Variants in SMOC1 observed in about 807,000 individuals in gnomAD.
SMOC1 encodes SPARC related modular calcium binding 1.
Under a neutral mutation model 56.3 loss-of-function variants are expected in SMOC1, and 22 were observed. That is an observed-to-expected ratio of 0.39 (90% CI 0.28 to 0.56). The LOEUF (loss-of-function observed/expected upper bound fraction) is 0.56. SMOC1 is among the 20% of genes least tolerant of loss of function. The pLI, the probability that SMOC1 is intolerant of heterozygous loss-of-function variation, is 0.61. For missense variants in SMOC1, 509 were observed against 565.4 expected (o/e 0.90, Z 1.01); for synonymous variants, 193 against 215.0 (o/e 0.90, Z 0.89).
Position 70,031,690 on chromosome 14 carries a change from C to T in SMOC1, c.*1432C>T, listed in dbSNP as rs3742914. ...GCGGATTCTAGGGTGGGCTGCCCAGCCTTCTGGTCTGAGGCGCAGCTCCCT... is the reference window on the plus strand; with the variant it reads ...GCGGATTCTAGGGTGGGCTGCCCAGTCTTCTGGTCTGAGGCGCAGCTCCCT... On this transcript the variant is annotated 3_prime_UTR_variant, in exon 12 of 12. Transcript: ENST00000361956. 0.023 allele frequency: 3,496 copies of T among 152,394 alleles called. 65 individuals carry two copies. The highest frequency in any genetic ancestry group is 0.048 in the East Asian group (248 of 5,194). The allele number at this position is 152,394 out of a possible 1,614,324, so 9.4% of individuals were successfully genotyped here.
chr14:69,903,990 C>T (rs1189758425), intron 1 of SMOC1, among the ~76,000 whole-genome samples: 9 of 152,140 alleles, frequency 5.9e-5, no homozygotes, highest in African/African-American at 2.4e-5. Flanking sequence ...AGCTGCCCCA[C>T]ATGTCAGTGA....
intron 11 of SMOC1, among the ~76,000 whole-genome samples, chr14:70,028,063 G>C (rs1467203929): frequency 6.6e-6 from 1 of 152,156 alleles, no homozygotes; most frequent in Non-Finnish European, 1.5e-5. Context: ...AGGATGCCGA[G>C]CTTGGGGACC....
chr14:69,957,226 T>C (rs964362346), intron 3 of SMOC1, among the ~76,000 whole-genome samples: 1 of 152,214 alleles, frequency 6.6e-6, no homozygotes, highest in African/African-American at 2.4e-5. Flanking sequence ...ACCATCAGGC[T>C]GTGTTGGCTG....
At chr14:69,994,095 G>T in intron 6 of SMOC1, 1 of 440,844 alleles carries the variant, frequency 2.3e-6, no homozygotes, top group South Asian at 2.4e-5. Context: ...GAGGGACTTG[G>T]CTTGGCCCAT....
intron 5 of SMOC1, among the ~76,000 whole-genome samples, chr14:69,980,899 C>G (rs1042375954): frequency 6.6e-6 from 1 of 152,106 alleles, no homozygotes; most frequent in Admixed American, 6.5e-5. Flanking sequence ...CGGGACCCAG[C>G]CTTCTCTTTC....
chr14:69,953,148 C>T (rs1883063790), intron 2 of SMOC1, among the ~76,000 whole-genome samples: 2 of 128,080 alleles, frequency 1.6e-5, no homozygotes, highest in South Asian at 2.3e-4. Context: ...GGAACTAAAA[C>T]ATTTTTTTTT....
chr14:69,985,130 A>T (rs1366403685), intron 5 of SMOC1, among the ~76,000 whole-genome samples: 1 of 152,198 alleles, frequency 6.6e-6, no homozygotes. Context: ...GAGGGCAAAT[A>T]TGCACACAAG....
intron 5 of SMOC1, among the ~76,000 whole-genome samples, chr14:69,978,290 C>T (rs1884044372): frequency 6.6e-6 from 1 of 152,156 alleles, no homozygotes; most frequent in Non-Finnish European, 1.5e-5. Context: ...CAGCATTAAA[C>T]CAGAGAGGAT....
At chr14:70,023,904 T>C (rs1024782003) in intron 11 of SMOC1, among the ~76,000 whole-genome samples, 2 of 151,830 alleles carry the variant, frequency 1.3e-5, no homozygotes, top group African/African-American at 4.8e-5. Context: ...CACTCTGGGA[T>C]CCAGGCTGAG....
At chr14:69,922,983 C>T (rs998460001) in intron 1 of SMOC1, among the ~76,000 whole-genome samples, 1 of 147,242 alleles carries the variant, frequency 6.8e-6, no homozygotes, top group South Asian at 2.1e-4. Context: ...CTCGCTTTGT[C>T]GTCCAGGCTG....
At chr14:69,916,247 A>G (rs1884683777) in intron 1 of SMOC1, among the ~76,000 whole-genome samples, 2 of 152,170 alleles carry the variant, frequency 1.3e-5, no homozygotes, top group Admixed American at 6.5e-5. Context: ...CCCAAATCAT[A>G]TCCATCAGCA....
At position 69,900,433 on chromosome 14, in the gene SMOC1, C is replaced by T. The variant is rs148972904; in HGVS notation, c.99+20656C>T. On this transcript the variant is annotated intron_variant, in intron 1 of 11. Transcript: ENST00000361956. ...CTGGGAAACAAAATACAACAGGGAA[C>T]GAGATAGTCCCTCGTTTATGGAGCA... is the stretch of plus-strand genomic sequence containing the variant. Among the ~76,000 whole-genome samples, 418 of 152,302 alleles carry T rather than the reference C, an allele frequency of 2.7e-3. 2 individuals are homozygous for T. Among genetic ancestry groups the T allele is most frequent in the African/African-American group, 8.9e-3 (371 of 41,558 alleles).
At chr14:69,889,241 A>C (rs970387554) in intron 1 of SMOC1, among the ~76,000 whole-genome samples, 11 of 152,172 alleles carry the variant, frequency 7.2e-5, no homozygotes, top group African/African-American at 2.7e-4. Flanking sequence ...GCAGGGCTGA[A>C]CCACTGTACT....
intron 3 of SMOC1, among the ~76,000 whole-genome samples, chr14:69,974,447 G>A (rs1211444260): frequency 6.6e-6 from 1 of 152,136 alleles, no homozygotes; most frequent in African/African-American, 2.4e-5. Context: ...AAATGTGTTT[G>A]GGAGCATCAG....
At chr14:69,893,625 G>A (rs911071912) in intron 1 of SMOC1, among the ~76,000 whole-genome samples, 10 of 152,210 alleles carry the variant, frequency 6.6e-5, no homozygotes, top group African/African-American at 2.4e-4. Flanking sequence ...GTGATCTTTG[G>A]TATATTTATA....
At chr14:69,898,624 G>A (rs57951641) in intron 1 of SMOC1, among the ~76,000 whole-genome samples, 20,008 of 151,852 alleles carry the variant, frequency 0.13, 1,778 homozygotes, top group African/African-American at 0.26. Context: ...GATCTCTTGC[G>A]TTTCTTTTTG....
chr14:69,968,668 G>T (rs964812981), intron 3 of SMOC1, among the ~76,000 whole-genome samples: 4 of 152,120 alleles, frequency 2.6e-5, no homozygotes, highest in African/African-American at 9.7e-5. Flanking sequence ...TAATGGGCAG[G>T]TTAAAAAGAA....
At chr14:69,952,075 G>A in intron 1 of SMOC1, 63 bp from the exon 2 acceptor site, 1 of 1,569,428 alleles carries the variant, frequency 6.4e-7, no homozygotes, top group Non-Finnish European at 8.8e-7. Context: ...TGTAAGTCAT[G>A]GACTCGCCCC....
At chr14:70,021,878 C>A (rs910270878) in intron 10 of SMOC1, among the ~76,000 whole-genome samples, 1 of 152,108 alleles carries the variant, frequency 6.6e-6, no homozygotes, top group African/African-American at 2.4e-5. Flanking sequence ...ATGACAAGTG[C>A]CTTGAATAGT....
Sources: allele counts gnomAD v4.1 joint callset (sites outside exome capture counted in the v4.1 genomes callset), GRCh38; gene constraint gnomAD v4.1.1; transcripts MANE v1.5; gene names NCBI Gene and HGNC (gene_info 2026-07-23, HGNC 2026-07-21).